SORCS1: variants seen among roughly 807,000 people sequenced by gnomAD.
SORCS1 encodes VPS10 domain-containing receptor SorCS1.
A neutral mutation model predicts 146.1 loss-of-function variants in SORCS1; 60 were observed. That is an observed-to-expected ratio of 0.41 (90% CI 0.33 to 0.51). The LOEUF (loss-of-function observed/expected upper bound fraction) is 0.51. SORCS1 is among the 20% of genes least tolerant of loss of function. The pLI is 0.21. For missense variants in SORCS1, 1,352 were observed against 1,487.6 expected (o/e 0.91, Z 1.50); for synonymous variants, 637 against 584.0 (o/e 1.09, Z -1.31).
intron 2 of SORCS1, among the ~76,000 whole-genome samples, chr10:106,953,769 G>A (rs1378704553): frequency 9.2e-5 from 14 of 152,138 alleles, no homozygotes; most frequent in Admixed American, 9.2e-4. Context: ...ATCTAAATAT[G>A]TCTAAACAAA....
intron 2 of SORCS1, among the ~76,000 whole-genome samples, chr10:106,884,020 A>G (rs1268038834): frequency 2.0e-5 from 3 of 152,178 alleles, no homozygotes; most frequent in Non-Finnish European, 4.4e-5. Context: ...AAGCCTTAAT[A>G]TATATCTACA....
chr10:107,099,658 A>G (rs1319081253), intron 1 of SORCS1, among the ~76,000 whole-genome samples: 1 of 152,232 alleles, frequency 6.6e-6, no homozygotes, highest in African/African-American at 2.4e-5. Context: ...GCTGGTATGC[A>G]TTTGAAATTT....
intron 3 of SORCS1, among the ~76,000 whole-genome samples, chr10:106,784,944 A>T (rs1945987919): frequency 6.6e-6 from 1 of 152,230 alleles, no homozygotes; most frequent in African/African-American, 2.4e-5. Context: ...AAGTCAGGAA[A>T]GTAAAATGAA....
chr10:106,964,499 CT>C (rs1955405566), intron 1 of SORCS1, among the ~76,000 whole-genome samples: 2 of 148,928 alleles, frequency 1.3e-5, no homozygotes. Context: ...TTTATTTTAA[CT>C]TTTTGAGATG....
In SORCS1 at chr10:106,588,996, C is replaced by T. The variant is rs146078892; in HGVS notation, c.3265+8355G>A. ...CTAAGTTAATTGCAATGTAAAGTCA[C>T]GTTTGAGAACAGCTGCTATTTATAG... On this transcript the variant is annotated intron_variant, in intron 24 of 25. Coordinates refer to ENST00000263054, the MANE Select transcript of SORCS1 (RefSeq NM_052918.5). Among the ~76,000 whole-genome samples the T allele has an allele frequency of 7.7e-4, 117 of 151,382 alleles. No individual in the cohort carries two copies. The East Asian group carries it at 0.019, about 25-fold the overall frequency.
chr10:106,815,462 G>A (rs906452826), intron 3 of SORCS1, among the ~76,000 whole-genome samples: 4 of 152,266 alleles, frequency 2.6e-5, no homozygotes, highest in East Asian at 1.9e-4. Context: ...GGAACATAAT[G>A]AACCATGGGC....
chr10:106,810,875 T>G (rs1401262709), intron 3 of SORCS1, among the ~76,000 whole-genome samples: 4 of 152,194 alleles, frequency 2.6e-5, no homozygotes, highest in Non-Finnish European at 4.4e-5. Flanking sequence ...ACAGCTGTCT[T>G]TCTAGGAGAG....
chr10:106,717,291 C>T (rs56763204), intron 6 of SORCS1, among the ~76,000 whole-genome samples: 8,523 of 152,290 alleles, frequency 0.056, 436 homozygotes, highest in African/African-American at 0.14. Context: ...TCATCACGCA[C>T]GCACACACGT....
intron 3 of SORCS1, among the ~76,000 whole-genome samples, chr10:106,806,706 G>A (rs1360362728): frequency 2.0e-5 from 3 of 151,380 alleles, no homozygotes; most frequent in Non-Finnish European, 2.9e-5. Flanking sequence ...TAGTAGAGAC[G>A]GGGTTTCACC....
chr10:106,620,389 A>G, intron 20 of SORCS1, 39 bp downstream of exon 20: 8 of 1,587,376 alleles, frequency 5.0e-6, no homozygotes, highest in Non-Finnish European at 6.9e-6. Context: ...GCGTGAATTG[A>G]GCTTCTGTCC....
intron 2 of SORCS1, among the ~76,000 whole-genome samples, chr10:106,838,770 G>C (rs1416857465): frequency 1.3e-5 from 2 of 152,128 alleles, no homozygotes; most frequent in African/African-American, 4.8e-5. Context: ...CAAGTCTATT[G>C]GTGCCATTTT....
chr10:106,902,959 TC>T (rs1390694850), intron 2 of SORCS1, among the ~76,000 whole-genome samples: 1 of 152,144 alleles, frequency 6.6e-6, no homozygotes, highest in Admixed American at 6.5e-5. Flanking sequence ...GTGCCTGTAA[TC>T]CCAGCTACTC....
At chr10:107,018,358 T>G (rs1007914442) in intron 1 of SORCS1, among the ~76,000 whole-genome samples, 44 of 152,028 alleles carry the variant, frequency 2.9e-4, no homozygotes, top group African/African-American at 9.9e-4. Flanking sequence ...TATTTTTTTT[T>G]TGTATTTTAA....
chr10:106,577,574 CACTT>C lies in SORCS1; in HGVS notation c.3372-23_3372-20del, dbSNP rs765784835. On this transcript the variant is annotated intron_variant, in intron 25 of 25. Transcript: ENST00000263054. ...TACTCTCCTAAGAGAAAACGTGTAA[CACTT>C]ACTCATTTAATGACACTGGAAAGGG... 4.3e-6 allele frequency: 7 copies of C among 1,610,178 alleles called. No individual in the cohort carries two copies. The highest frequency in any genetic ancestry group is 1.1e-5 in the South Asian group (1 of 91,016).
intron 1 of SORCS1, among the ~76,000 whole-genome samples, chr10:107,156,640 C>A (rs1005581128): frequency 3.3e-5 from 5 of 152,186 alleles, no homozygotes; most frequent in Non-Finnish European, 7.3e-5. Context: ...AGTTATAATC[C>A]TTGAGCAAGT....
At chr10:107,075,341 C>T (rs1184109682) in intron 1 of SORCS1, among the ~76,000 whole-genome samples, 3 of 152,160 alleles carry the variant, frequency 2.0e-5, no homozygotes, top group East Asian at 1.9e-4. Context: ...TATGATGAAA[C>T]GGATTGAAAG....
At chr10:106,945,207 T>C (rs1954269634) in intron 2 of SORCS1, among the ~76,000 whole-genome samples, 3 of 152,070 alleles carry the variant, frequency 2.0e-5, no homozygotes, top group African/African-American at 7.2e-5. Flanking sequence ...TTTAATAGTA[T>C]AGATACGAAT....
chr10:107,008,121 A>C (rs1957534429), intron 1 of SORCS1, among the ~76,000 whole-genome samples: 1 of 152,026 alleles, frequency 6.6e-6, no homozygotes, highest in South Asian at 2.1e-4. Flanking sequence ...ATGAGAGGGC[A>C]GTTTTTTCTA....
chr10:106,709,159 A>G (rs1564883586), intron 7 of SORCS1, 64 bp downstream of exon 7: 3 of 1,321,912 alleles, frequency 2.3e-6, no homozygotes, highest in Non-Finnish European at 3.3e-6. Context: ...AAAGCAGGCA[A>G]AAGGGACAGA....
Sources: gnomAD v4.1 joint callset for allele counts (sites outside exome capture counted in the v4.1 genomes callset) on GRCh38, gnomAD v4.1.1 for gene constraint, MANE v1.5 for transcripts, NCBI Gene and HGNC (gene_info 2026-07-23, HGNC 2026-07-21) for gene names.